PTPRG: variants seen among roughly 807,000 people sequenced by gnomAD.
PTPRG encodes protein tyrosine phosphatase receptor type G.
Under a neutral mutation model 165.3 loss-of-function variants are expected in PTPRG, and 102 were observed. The observed-to-expected ratio is 0.62, with a 90% CI of 0.53 to 0.73. The LOEUF is 0.73. PTPRG is among the 30% of genes least tolerant of loss of function. The pLI, the probability that PTPRG is intolerant of heterozygous loss-of-function variation, is 0.00. For missense variants in PTPRG, 1,866 were observed against 1,861.4 expected (o/e 1.00, Z -0.05); for synonymous variants, 675 against 669.5 (o/e 1.01, Z -0.13).
At chr3:61,842,935 A>T (rs1268966278) in intron 2 of PTPRG, among the ~76,000 whole-genome samples, 2 of 152,196 alleles carry the variant, frequency 1.3e-5, no homozygotes, top group Non-Finnish European at 2.9e-5. Flanking sequence ...TTGAGAGCCT[A>T]TTACGGCCAC....
intron 2 of PTPRG, among the ~76,000 whole-genome samples, chr3:61,875,805 C>T (rs533170214): frequency 1.3e-5 from 2 of 152,272 alleles, no homozygotes; most frequent in African/African-American, 4.8e-5. Flanking sequence ...ATTCTTTTTA[C>T]TCCCACCTTC....
At chr3:61,698,031 A>T (rs2030712120) in intron 1 of PTPRG, among the ~76,000 whole-genome samples, 2 of 152,164 alleles carry the variant, frequency 1.3e-5, no homozygotes, top group African/African-American at 4.8e-5. Flanking sequence ...GTGACTCTTC[A>T]TTCTTCATCA....
intron 12 of PTPRG, among the ~76,000 whole-genome samples, chr3:62,215,313 G>T (rs1370114373): frequency 6.6e-6 from 1 of 152,164 alleles, no homozygotes; most frequent in Non-Finnish European, 1.5e-5. Flanking sequence ...ACTTTATCAT[G>T]CCCCACATGA....
chr3:61,911,154 A>C (rs374348940), intron 2 of PTPRG, among the ~76,000 whole-genome samples: 2 of 152,104 alleles, frequency 1.3e-5, no homozygotes, highest in Admixed American at 6.5e-5. Flanking sequence ...CCTTCTTTCA[A>C]ACCCTTTCAA....
At chr3:62,028,312 CTAATTACAGCCTA>C (rs1699639957) in intron 4 of PTPRG, among the ~76,000 whole-genome samples, 1 of 152,138 alleles carries the variant, frequency 6.6e-6, no homozygotes, top group South Asian at 2.1e-4. Flanking sequence ...CAATGATACG[CTAATTACAGCCTA>C]TACATTTTTA....
chr3:61,821,591 T>C (rs2035960017), intron 2 of PTPRG, among the ~76,000 whole-genome samples: 1 of 152,194 alleles, frequency 6.6e-6, no homozygotes, highest in Non-Finnish European at 1.5e-5. Flanking sequence ...TGATAAGTAA[T>C]GTGCTGTGAC....
intron 1 of PTPRG, among the ~76,000 whole-genome samples, chr3:61,567,665 C>CAAAAAAAAAA (rs35299199): frequency 9.9e-5 from 11 of 111,458 alleles, no homozygotes; most frequent in Non-Finnish European, 1.7e-4. Flanking sequence ...GACCCTGTCT[C>CAAAAAAAAAA]AAAAAAAAAA....
chr3:62,066,063 T>C (rs1380112201), intron 4 of PTPRG, among the ~76,000 whole-genome samples: 1 of 152,196 alleles, frequency 6.6e-6, no homozygotes, highest in Non-Finnish European at 1.5e-5. Flanking sequence ...AGAGCATAAC[T>C]TGTCTTTGTG....
At chr3:61,741,880 G>A (rs2032999006) in intron 1 of PTPRG, among the ~76,000 whole-genome samples, 1 of 152,068 alleles carries the variant, frequency 6.6e-6, no homozygotes, top group Non-Finnish European at 1.5e-5. Flanking sequence ...GTCAAAAACA[G>A]TAAGACATTC....
Position 61,706,747 on chromosome 3 carries a change from C to T in PTPRG, c.86-42131C>T, listed in dbSNP as rs9821060. On this transcript the variant is annotated intron_variant, in intron 1 of 29. Coordinates refer to ENST00000474889, the MANE Select transcript of PTPRG (RefSeq NM_002841.4). ...TCAGGTGATCCACCCGCCTCAGCCT[C>T]CCAAAGTGTTGGGATTACAGGGGTG... 5.6e-3 allele frequency among the ~76,000 whole-genome samples: 856 copies of T among 152,262 alleles called. 12 individuals carry two copies. Among genetic ancestry groups the T allele is most frequent in the African/African-American group, 0.019 (799 of 41,552 alleles).
At chr3:61,948,293 C>T (rs144892469) in intron 2 of PTPRG, among the ~76,000 whole-genome samples, 22 of 152,176 alleles carry the variant, frequency 1.4e-4, no homozygotes, top group African/African-American at 5.3e-4. Context: ...CCATTGCATT[C>T]CAGCCTGGGC....
chr3:62,154,442 T>C (rs188752255), intron 6 of PTPRG, among the ~76,000 whole-genome samples: 1 of 152,282 alleles, frequency 6.6e-6, no homozygotes. Flanking sequence ...GATGCCCTTT[T>C]GAGTTTGCAG....
intron 5 of PTPRG, among the ~76,000 whole-genome samples, chr3:62,123,333 A>G (rs1454632109): frequency 6.6e-6 from 1 of 152,162 alleles, no homozygotes; most frequent in East Asian, 1.9e-4. Flanking sequence ...GTAGCCACTA[A>G]CTCCCAGGCT....
At chr3:61,618,887 A>T (rs1701373648) in intron 1 of PTPRG, among the ~76,000 whole-genome samples, 1 of 151,568 alleles carries the variant, frequency 6.6e-6, no homozygotes, top group Non-Finnish European at 1.5e-5. Context: ...CGCGCCTGTA[A>T]TCCCAGCACT....
intron 1 of PTPRG, among the ~76,000 whole-genome samples, chr3:61,686,420 T>A (rs1703633910): frequency 6.6e-6 from 1 of 152,146 alleles, no homozygotes; most frequent in Admixed American, 6.5e-5. Context: ...CTGGGGGAAA[T>A]GAGTGGTCTT....
intron 5 of PTPRG, among the ~76,000 whole-genome samples, chr3:62,130,041 C>G (rs13100424): frequency 0.013 from 2,021 of 152,252 alleles, 23 homozygotes; most frequent in Non-Finnish European, 0.021. Flanking sequence ...TTGCTGTGTA[C>G]CAAATGATTC....
chr3:61,954,909 A>T (rs998672668), intron 2 of PTPRG, among the ~76,000 whole-genome samples: 2 of 152,206 alleles, frequency 1.3e-5, no homozygotes, highest in African/African-American at 4.8e-5. Context: ...CATGCATGTG[A>T]GTTTGATTGA....
chr3:61,592,360 A>G (rs1161798471), intron 1 of PTPRG, among the ~76,000 whole-genome samples: 1 of 152,120 alleles, frequency 6.6e-6, no homozygotes, highest in Non-Finnish European at 1.5e-5. Context: ...CTTCAGAGCA[A>G]GTATGGCCTA....
intron 2 of PTPRG, among the ~76,000 whole-genome samples, chr3:61,940,847 G>T (rs1371762759): frequency 1.3e-5 from 2 of 151,940 alleles, no homozygotes; most frequent in Non-Finnish European, 2.9e-5. Flanking sequence ...TGTATTTTTA[G>T]TAGAGATGGG....
Sources: allele counts gnomAD v4.1 joint callset (sites outside exome capture counted in the v4.1 genomes callset), GRCh38; gene constraint gnomAD v4.1.1; transcripts MANE v1.5; gene names NCBI Gene and HGNC (gene_info 2026-07-23, HGNC 2026-07-21).